Variants in GNG2 observed in about 807,000 individuals in gnomAD.
GNG2 encodes G protein subunit gamma 2, also known as guanine nucleotide-binding protein G(I)/G(S)/G(O) subunit gamma-2.
Under a neutral mutation model 5.5 loss-of-function variants are expected in GNG2, and 5 were observed. The ratio of observed to expected loss-of-function variants is 0.91; its 90% CI spans 0.48 to 1.92. The LOEUF is 1.92. Ranked by LOEUF, GNG2 falls within the 30% of genes most tolerant of loss-of-function variation. The pLI, the probability that GNG2 is intolerant of heterozygous loss-of-function variation, is 0.01. For missense variants in GNG2, 55 were observed against 88.4 expected, an observed-to-expected ratio of 0.62 and a Z score of 1.52; for synonymous variants, 28 against 32.0, an observed-to-expected ratio of 0.88 and a Z score of 0.42.
intron 2 of GNG2, among the ~76,000 whole-genome samples, chr14:51,929,907 G>A (rs1430391481): frequency 6.6e-6 from 1 of 152,120 alleles, no homozygotes; most frequent in Non-Finnish European, 1.5e-5. Context: ...TATTTGCTAG[G>A]ATGATATTAT....
chr14:51,882,180 C>A (rs922723292), intron 2 of GNG2, among the ~76,000 whole-genome samples: 4 of 152,112 alleles, frequency 2.6e-5, no homozygotes, highest in African/African-American at 9.7e-5. Flanking sequence ...TATCTTGGAA[C>A]TAGTTAGCAG....
chr14:51,947,659 A>G (rs1223442609), intron 2 of GNG2, among the ~76,000 whole-genome samples: 2 of 152,256 alleles, frequency 1.3e-5, no homozygotes, highest in African/African-American at 4.8e-5. Context: ...CTCCAGAATT[A>G]TAAGATAATA....
intron 2 of GNG2, among the ~76,000 whole-genome samples, chr14:51,922,556 C>T (rs537971480): frequency 6.6e-6 from 1 of 152,248 alleles, no homozygotes; most frequent in Non-Finnish European, 1.5e-5. Context: ...CCAACACTGT[C>T]GCTTTTACCT....
At chr14:51,832,178 G>T (rs751248259) in intron 2 of GNG2, among the ~76,000 whole-genome samples, 2 of 152,068 alleles carry the variant, frequency 1.3e-5, no homozygotes, top group Non-Finnish European at 2.9e-5. Context: ...TACTCAGGGA[G>T]CTGTAGTGGG....
At chr14:51,869,279 G>A (rs1291167538) in intron 1 of GNG2, among the ~76,000 whole-genome samples, 1 of 152,202 alleles carries the variant, frequency 6.6e-6, no homozygotes, top group East Asian at 1.9e-4. Flanking sequence ...CTACTAAAAT[G>A]GCGTAAGCAA....
intron 2 of GNG2, among the ~76,000 whole-genome samples, chr14:51,848,949 G>C (rs191421448): frequency 6.6e-6 from 1 of 152,264 alleles, no homozygotes; most frequent in East Asian, 1.9e-4. Flanking sequence ...GAAGTACTGG[G>C]TACTATACAA....
intron 2 of GNG2, chr14:51,841,700 T>C: frequency 1.7e-6 from 1 of 597,790 alleles, no homozygotes; most frequent in Non-Finnish European, 3.0e-6. Context: ...AAAAATCACT[T>C]TGTAGGAAAT....
At chr14:51,868,954 T>C (rs767256015) in intron 1 of GNG2, among the ~76,000 whole-genome samples, 6 of 152,230 alleles carry the variant, frequency 3.9e-5, no homozygotes, top group Non-Finnish European at 5.9e-5. Flanking sequence ...ATTCTTATTG[T>C]TTAAAATAAC....
chr14:51,908,829 C>G (rs935024311), intron 2 of GNG2, among the ~76,000 whole-genome samples: 38 of 146,692 alleles, frequency 2.6e-4, no homozygotes, highest in African/African-American at 8.0e-4. Context: ...CTATCCATCT[C>G]AGCCTCCCAA....
intron 2 of GNG2, among the ~76,000 whole-genome samples, chr14:51,834,608 G>T (rs1881284775): frequency 6.6e-6 from 1 of 152,322 alleles, no homozygotes; most frequent in South Asian, 2.1e-4. Flanking sequence ...TGGGTCCTGG[G>T]TAAGGATAGG....
At chr14:51,906,947 G>A (rs1885968709) in intron 2 of GNG2, among the ~76,000 whole-genome samples, 1 of 151,974 alleles carries the variant, frequency 6.6e-6, no homozygotes, top group South Asian at 2.1e-4. Context: ...AGTAGAGACG[G>A]GGTTTCACCG....
chr14:51,966,441 G>A (rs1889925198), intron 3 of GNG2, 118 bp from the exon 4 acceptor site: 4 of 837,032 alleles, frequency 4.8e-6, no homozygotes, highest in Non-Finnish European at 7.9e-6. Context: ...GCTTTTAGAG[G>A]CTGAGTATCT....
chr14:51,849,156 A>T (rs1252594014), intron 2 of GNG2, among the ~76,000 whole-genome samples: 1 of 152,160 alleles, frequency 6.6e-6, no homozygotes, highest in Non-Finnish European at 1.5e-5. Context: ...ATCCATTTCC[A>T]AGGTGGCTCG....
At chr14:51,835,410 A>G (rs1320389965) in intron 2 of GNG2, among the ~76,000 whole-genome samples, 1 of 152,244 alleles carries the variant, frequency 6.6e-6, no homozygotes, top group Non-Finnish European at 1.5e-5. Context: ...CTTTAGCTGT[A>G]ATGTTTCAGA....
rs1888986575 is a variant in GNG2, at chr14:51,951,725, A to ATG, written c.87+960_87+961insTG. Among the ~76,000 whole-genome samples, 11 of 152,350 alleles carry ATG rather than the reference A, an allele frequency of 7.2e-5. No homozygotes were observed. In the South Asian group the frequency reaches 1.9e-3, roughly 26 times the overall value. ...TCAATAAAATTTGGCTCATGGGCCA[A>ATG]AGCCAGCCCACTGCCTATGTTTATA... On this transcript the variant is annotated intron_variant, in intron 3 of 3. Coordinates refer to ENST00000556766, the MANE Select transcript of GNG2 (RefSeq NM_053064.5).
At chr14:51,841,112 T>C (rs931235532) in intron 2 of GNG2, among the ~76,000 whole-genome samples, 1 of 152,212 alleles carries the variant, frequency 6.6e-6, no homozygotes, top group Non-Finnish European at 1.5e-5. Flanking sequence ...GGTAGTTATT[T>C]ATACATAGGT....
chr14:51,882,261 A>G lies in GNG2; in HGVS notation c.-30+4604A>G, dbSNP rs562257574. Reference sequence around the variant, plus strand: ...TACACTTTACAATGGCTGATGGTTAATTTTATATGTGAATTTTACCTCAAT... The same window carrying G: ...TACACTTTACAATGGCTGATGGTTAGTTTTATATGTGAATTTTACCTCAAT... On this transcript the variant is annotated intron_variant, in intron 2 of 3. Coordinates refer to ENST00000556766, the MANE Select transcript of GNG2 (RefSeq NM_053064.5). Among the ~76,000 whole-genome samples the G allele has an allele frequency of 7.5e-4, 114 of 152,320 alleles. 1 individual carries two copies. The highest frequency in any genetic ancestry group is 2.6e-3 in the African/African-American group (109 of 41,568).
chr14:51,827,530 A>G, intron 1 of GNG2: 1 of 569,364 alleles, frequency 1.8e-6, no homozygotes, highest in Admixed American at 3.3e-5. Flanking sequence ...AGATGTAGTG[A>G]GAAAGCTAGG....
chr14:51,833,064 A>G (rs1018254561), intron 2 of GNG2, among the ~76,000 whole-genome samples: 2 of 152,200 alleles, frequency 1.3e-5, no homozygotes, highest in Non-Finnish European at 2.9e-5. Context: ...CTATAGATCC[A>G]GTCAAGATTA....
Sources: allele counts gnomAD v4.1 joint callset (sites outside exome capture counted in the v4.1 genomes callset), GRCh38; gene constraint gnomAD v4.1.1; transcripts MANE v1.5; gene names NCBI Gene and HGNC (gene_info 2026-07-23, HGNC 2026-07-21).